Variants in RBP7 observed in about 807,000 individuals in gnomAD.
The protein encoded by RBP7 is retinoid-binding protein 7.
In RBP7, 13 loss-of-function variants were observed where a neutral mutation model predicts 16.7. That is an observed-to-expected ratio of 0.78 (90% CI 0.51 to 1.24). The LOEUF (loss-of-function observed/expected upper bound fraction) is 1.24. RBP7 is among the 50% of genes most tolerant of loss of function. The pLI, the probability that RBP7 is intolerant of heterozygous loss-of-function variation, is 0.00. For missense variants in RBP7, 145 were observed against 159.5 expected, an observed-to-expected ratio of 0.91 and a Z score of 0.49; for synonymous variants, 54 against 56.2, an observed-to-expected ratio of 0.96 and a Z score of 0.17.
At chr1:10,002,242 G>A (rs891213763) in intron 1 of RBP7, among the ~76,000 whole-genome samples, 1 of 152,098 alleles carries the variant, frequency 6.6e-6, no homozygotes, top group Admixed American at 6.6e-5. Flanking sequence ...ATAAATGTAC[G>A]TTTGTGTGGA....
At chr1:10,005,813 T>C (rs1642427137) in intron 1 of RBP7, among the ~76,000 whole-genome samples, 1 of 152,144 alleles carries the variant, frequency 6.6e-6, no homozygotes, top group Admixed American at 6.6e-5. Context: ...TCCACCTGCC[T>C]CTGCCTCCCA....
chr1:10,006,428 T>G (rs553033439), intron 1 of RBP7, among the ~76,000 whole-genome samples: 1 of 152,246 alleles, frequency 6.6e-6, no homozygotes, highest in East Asian at 1.9e-4. Flanking sequence ...GAGAATCACT[T>G]GAGCCTGAAA....
At chr1:10,007,855 T>C in intron 2 of RBP7, 107 bp downstream of exon 2, 1 of 999,676 alleles carries the variant, frequency 1.0e-6, no homozygotes, top group Non-Finnish European at 1.5e-6. Context: ...GAGACCAGCC[T>C]GGGCAACACG....
chr1:10,008,443 A>AT (rs375450283), intron 3 of RBP7, among the ~76,000 whole-genome samples, 169 bp downstream of exon 3: 36,477 of 134,328 alleles, frequency 0.27, 6,768 homozygotes, highest in African/African-American at 0.51. Flanking sequence ...CATCTCTACT[A>AT]TTTTTTTTTT....
chr1:9,999,458 C>T (rs750843724), intron 1 of RBP7, among the ~76,000 whole-genome samples: 27 of 152,080 alleles, frequency 1.8e-4, no homozygotes, highest in Non-Finnish European at 2.6e-4. Flanking sequence ...GAGGCTGAGG[C>T]AGGAGAATCA....
intron 3 of RBP7, among the ~76,000 whole-genome samples, chr1:10,013,023 A>C (rs913227295): frequency 6.6e-6 from 1 of 151,168 alleles, no homozygotes; most frequent in African/African-American, 2.4e-5. Context: ...TGCAGGGCAC[A>C]GAAGTACTTT....
chr1:10,008,310 A>G (rs1642504857), intron 3 of RBP7, 36 bp downstream of exon 3: 2 of 1,386,932 alleles, frequency 1.4e-6, no homozygotes, highest in Non-Finnish European at 2.1e-6. Context: ...GAGATGATAC[A>G]GTATTAAAGG....
intron 3 of RBP7, among the ~76,000 whole-genome samples, chr1:10,014,410 G>A (rs1361219319): frequency 2.0e-5 from 3 of 148,734 alleles, no homozygotes; most frequent in Non-Finnish European, 4.5e-5. Context: ...TTTTGAGATG[G>A]AGTCTTGCTC....
intron 2 of RBP7, 106 bp from the exon 3 acceptor site, chr1:10,008,067 A>G (rs1047566248): frequency 7.2e-6 from 5 of 692,690 alleles, no homozygotes; most frequent in East Asian, 2.7e-5. Context: ...AAAAAAAAAA[A>G]GCAGTAAGTA....
chr1:10,015,262 AAAC>A (rs1249167028), intron 3 of RBP7, among the ~76,000 whole-genome samples: 1 of 152,040 alleles, frequency 6.6e-6, no homozygotes, highest in Admixed American at 6.6e-5. Flanking sequence ...CAACATGGTG[AAAC>A]CCCGTCGCTA....
At chr1:10,012,939 CAAAAAAAAAAAA>C (rs760583223) in intron 3 of RBP7, among the ~76,000 whole-genome samples, 1 of 71,346 alleles carries the variant, frequency 1.4e-5, no homozygotes, top group East Asian at 3.8e-4. Context: ...GAAACTGTCT[CAAAAAAAAAAAA>C]AAAAAAAAGA....
chr1:10,012,157 G>A lies in RBP7; in HGVS notation c.355-3625G>A, dbSNP rs966736661. On this transcript the variant is annotated intron_variant, in intron 3 of 3. Coordinates refer to ENST00000294435, the MANE Select transcript of RBP7 (RefSeq NM_052960.3). ...ACCTGGGAGGAGGAGGTTACGGTGA[G>A]CCGAGATTGCACCATTGCACTCCAG... Among the ~76,000 whole-genome samples the A allele has an allele frequency of 1.1e-4, 16 of 148,740 alleles. 1 individual carries two copies. Among genetic ancestry groups the A allele is most frequent in the African/African-American group, 4.0e-4 (16 of 40,390 alleles).
At chr1:10,001,369 G>A (rs1642273635) in intron 1 of RBP7, among the ~76,000 whole-genome samples, 4 of 152,214 alleles carry the variant, frequency 2.6e-5, no homozygotes, top group East Asian at 1.9e-4. Flanking sequence ...GCAGTGGTGC[G>A]ATCATGGCTC....
chr1:10,015,237 C>T (rs1274433148), intron 3 of RBP7, among the ~76,000 whole-genome samples: 3 of 151,920 alleles, frequency 2.0e-5, no homozygotes, highest in Non-Finnish European at 4.4e-5. Flanking sequence ...GTCAGGAGTT[C>T]AAGAACAGCC....
intron 1 of RBP7, among the ~76,000 whole-genome samples, chr1:9,999,336 C>G (rs1642226730): frequency 6.6e-6 from 1 of 151,912 alleles, no homozygotes; most frequent in Admixed American, 6.6e-5. Context: ...CAACTGAGGT[C>G]AGGAGTTCAA....
chr1:10,002,110 G>T (rs1233578374), intron 1 of RBP7, among the ~76,000 whole-genome samples: 2 of 152,096 alleles, frequency 1.3e-5, no homozygotes, highest in Admixed American at 6.6e-5. Context: ...TTACAGGCAT[G>T]AGCCACCACA....
At chr1:10,004,065 A>ATTTT (rs56955055) in intron 1 of RBP7, 74 of 83,216 alleles carry the variant, frequency 8.9e-4, no homozygotes, top group African/African-American at 3.4e-3. Context: ...CTGCCTCACA[A>ATTTT]TTTTTTTTTT....
At chr1:10,003,140 C>T (rs1642326765) in intron 1 of RBP7, among the ~76,000 whole-genome samples, 1 of 152,116 alleles carries the variant, frequency 6.6e-6, no homozygotes, top group Admixed American at 6.6e-5. Flanking sequence ...CATAAACCAC[C>T]CGTTAGCCGG....
intron 3 of RBP7, among the ~76,000 whole-genome samples, chr1:10,009,014 C>T (rs917172196): frequency 6.6e-6 from 1 of 152,166 alleles, no homozygotes; most frequent in African/African-American, 2.4e-5. Flanking sequence ...CTCATCTAAT[C>T]TTCACAACCC....
Sources: allele counts gnomAD v4.1 joint callset (sites outside exome capture counted in the v4.1 genomes callset), GRCh38; gene constraint gnomAD v4.1.1; transcripts MANE v1.5; gene names NCBI Gene and HGNC (gene_info 2026-07-23, HGNC 2026-07-21).